PDE4C: variants seen among roughly 807,000 people sequenced by gnomAD.
PDE4C encodes the protein 3',5'-cyclic-AMP phosphodiesterase 4C.
Under a neutral mutation model 63.9 loss-of-function variants are expected in PDE4C, and 50 were observed. The ratio of observed to expected loss-of-function variants is 0.78; its 90% CI spans 0.62 to 0.99. The LOEUF (loss-of-function observed/expected upper bound fraction) is 0.99. Ranked by LOEUF, PDE4C falls within the 50% of genes least tolerant of loss-of-function variation. PDE4C has a pLI of 0.00. For missense variants in PDE4C, 777 were observed against 899.1 expected (o/e 0.86, Z 1.74); for synonymous variants, 377 against 385.1 (o/e 0.98, Z 0.25).
intron 1 of PDE4C, among the ~76,000 whole-genome samples, chr19:18,222,987 A>G (rs1220469585): frequency 6.6e-6 from 1 of 151,646 alleles, no homozygotes; most frequent in Admixed American, 6.6e-5. Context: ...GGAGTGAGCC[A>G]CCGCACCCGG....
At chr19:18,246,149 G>A (rs886786344) in intron 1 of PDE4C, among the ~76,000 whole-genome samples, 1 of 149,052 alleles carries the variant, frequency 6.7e-6, no homozygotes, top group African/African-American at 2.5e-5. Context: ...CCAAGTAGCT[G>A]GGATTACAGG....
upstream of PDE4C, among the ~76,000 whole-genome samples, chr19:18,252,905 C>T (rs1032972054): frequency 4.6e-5 from 7 of 152,158 alleles, no homozygotes; most frequent in Non-Finnish European, 1.0e-4. Flanking sequence ...TCATGCCCAG[C>T]CTTTTCATTT....
chr19:18,240,287 G>A (rs1969014832), intron 1 of PDE4C, among the ~76,000 whole-genome samples: 1 of 151,832 alleles, frequency 6.6e-6, no homozygotes, highest in African/African-American at 2.4e-5. Context: ...TTAGCCAGGT[G>A]TGGTGGTACA....
upstream of PDE4C, among the ~76,000 whole-genome samples, chr19:18,251,711 C>CGCCCCCG (rs1969232637): frequency 1.7e-5 from 1 of 60,244 alleles, no homozygotes; most frequent in Non-Finnish European, 3.9e-5. Flanking sequence ...CCTCGGCCTC[C>CGCCCCCG]CAAAGTGCTG....
chr19:18,210,961 C>T (rs927854764), exon 15 of PDE4C: 1 of 1,613,248 alleles, frequency 6.2e-7, no homozygotes, highest in Non-Finnish European at 8.5e-7. Flanking sequence ...GGTAAGTCCC[C>T]AGGGTCTGGG....
chr19:18,216,212 G>C (rs1020581419), intron 12 of PDE4C, among the ~76,000 whole-genome samples: 1 of 150,748 alleles, frequency 6.6e-6, no homozygotes, highest in Non-Finnish European at 1.5e-5. Context: ...GTACAGCCAG[G>C]ATCTGCTGGG....
chr19:18,234,594 G>C (rs964594484), upstream of PDE4C, among the ~76,000 whole-genome samples: 1 of 152,146 alleles, frequency 6.6e-6, no homozygotes, highest in East Asian at 1.9e-4. Context: ...CTTGGTGGAG[G>C]CCTCCTGTGG....
chr19:18,226,529 G>A, upstream of PDE4C: 1 of 782,410 alleles, frequency 1.3e-6, no homozygotes, highest in Non-Finnish European at 1.8e-6. Context: ...GCCCCGCCTC[G>A]AGGCCGGCGG....
chr19:18,221,649 G>C (rs1487860266), intron 2 of PDE4C, among the ~76,000 whole-genome samples: 1 of 151,988 alleles, frequency 6.6e-6, no homozygotes, highest in African/African-American at 2.4e-5. Context: ...TTCTGAGGCA[G>C]ACTCTTGCTC....
intron 8 of PDE4C, 81 bp downstream of exon 8, chr19:18,219,153 T>G: frequency 6.2e-7 from 1 of 1,600,284 alleles, no homozygotes; most frequent in Non-Finnish European, 8.6e-7. Context: ...AGTATATAGG[T>G]GGGCAAACAG....
chr19:18,228,871 A>T (rs1968793886), upstream of PDE4C, among the ~76,000 whole-genome samples: 1 of 152,194 alleles, frequency 6.6e-6, no homozygotes, highest in Non-Finnish European at 1.5e-5. Context: ...GCATTACTGC[A>T]TCTCCTGTAG....
chr19:18,243,506 A>AC (rs967315070), intron 1 of PDE4C, among the ~76,000 whole-genome samples: 8 of 62,730 alleles, frequency 1.3e-4, no homozygotes, highest in African/African-American at 1.3e-3. Context: ...CATGGGGAAA[A>AC]TTGGGGGAAG....
intron 1 of PDE4C, among the ~76,000 whole-genome samples, chr19:18,232,218 A>G (rs1307552951): frequency 2.0e-5 from 3 of 152,014 alleles, no homozygotes; most frequent in African/African-American, 7.2e-5. Flanking sequence ...TACAAAAATT[A>G]GCCAGGCCTT....
chr19:18,212,093 A>T, intron 13 of PDE4C, 152 bp from the exon 14 acceptor site: 1 of 712,044 alleles, frequency 1.4e-6, no homozygotes, highest in South Asian at 1.9e-5. Flanking sequence ...AGGCACAGGC[A>T]TGTGACTCTT....
intron 12 of PDE4C, among the ~76,000 whole-genome samples, chr19:18,213,800 T>G (rs1160784269): frequency 1.3e-5 from 2 of 152,050 alleles, no homozygotes; most frequent in East Asian, 3.9e-4. Context: ...GGGTGGGCAT[T>G]GTAGTCAATG....
At chr19:18,248,203 CCTG>C (rs764934424), upstream of PDE4C, 1 of 456,330 alleles carries the variant, frequency 2.2e-6, no homozygotes, top group East Asian at 6.9e-5. Context: ...GGTCCCATGA[CCTG>C]CTGGCTAGTG....
At chr19:18,246,784 G>C (rs549766705) in intron 1 of PDE4C, among the ~76,000 whole-genome samples, 2 of 152,050 alleles carry the variant, frequency 1.3e-5, no homozygotes, top group Non-Finnish European at 2.9e-5. Context: ...AAAATCAGCC[G>C]GGCGTCAAGG....
upstream of PDE4C, among the ~76,000 whole-genome samples, chr19:18,237,709 A>G (rs1968975986): frequency 6.6e-6 from 1 of 151,834 alleles, no homozygotes. Context: ...TGTCTCGACT[A>G]AAAATACAAA....
At chr19:18,227,094 C>T (rs563949194), upstream of PDE4C, among the ~76,000 whole-genome samples, 5 of 152,220 alleles carry the variant, frequency 3.3e-5, no homozygotes, top group East Asian at 5.8e-4. Flanking sequence ...AGGGCATCAC[C>T]GAGGTATAGA....
Sources: allele counts gnomAD v4.1 joint callset (sites outside exome capture counted in the v4.1 genomes callset), GRCh38; gene constraint gnomAD v4.1.1; transcripts MANE v1.5; gene names NCBI Gene and HGNC (gene_info 2026-07-23, HGNC 2026-07-21).